The following ENTPD1 variants were observed in gnomAD, a reference collection of about 807,000 sequenced individuals.
ENTPD1 encodes the protein ectonucleoside triphosphate diphosphohydrolase 1.
ENTPD1 carries 33 observed loss-of-function variants against 57.0 expected under a neutral mutation model. The observed-to-expected ratio is 0.58, with a 90% CI of 0.44 to 0.77. The LOEUF is 0.77. ENTPD1 is among the 30% of genes least tolerant of loss of function. The pLI is 0.00. For synonymous variants in ENTPD1, 202 were observed against 218.8 expected (o/e 0.92, Z 0.68); for missense variants, 501 against 603.4 (o/e 0.83, Z 1.78).
chr10:95,825,747 T>G (rs1371291111), intron 2 of ENTPD1, among the ~76,000 whole-genome samples: 3 of 151,896 alleles, frequency 2.0e-5, no homozygotes, highest in Non-Finnish European at 4.4e-5. Context: ...CCGGCTAATT[T>G]TTTTGTATTT....
chr10:95,783,830 C>T (rs535745915), intron 1 of ENTPD1, among the ~76,000 whole-genome samples: 2 of 151,884 alleles, frequency 1.3e-5, no homozygotes, highest in African/African-American at 2.4e-5. Flanking sequence ...AAAAGAATAA[C>T]AAGTATTTAT....
rs3181122 is a variant in ENTPD1, at chr10:95,847,408, G to A, written c.814-38G>A. The A allele has an allele frequency of 0.31, 503,083 of 1,610,308 alleles. 85,316 individuals carry two copies. Among genetic ancestry groups the A allele is most frequent in the Admixed American group, 0.42 (25,159 of 59,998 alleles). On this transcript the variant is annotated intron_variant, in intron 6 of 9. Transcript: ENST00000371205. ...AGACTGTACCTTTTGTATCCAAAGC[G>A]TTCACACATGATGCTTTCAAGTGAT...
chr10:95,814,895 A>T, intron 1 of ENTPD1, among the ~76,000 whole-genome samples: 1 of 150,690 alleles, frequency 6.6e-6, no homozygotes. Context: ...TCCTGGCTCT[A>T]TTTTCTTACC....
chr10:95,761,072 C>T (rs980063865), intron 1 of ENTPD1, among the ~76,000 whole-genome samples: 14 of 152,064 alleles, frequency 9.2e-5, no homozygotes, highest in Middle Eastern at 3.4e-3. Flanking sequence ...CCTCATGATC[C>T]GCCCGTCTCG....
chr10:95,819,523 G>A (rs1045712571), intron 1 of ENTPD1, among the ~76,000 whole-genome samples: 5 of 152,208 alleles, frequency 3.3e-5, no homozygotes, highest in Non-Finnish European at 7.4e-5. Context: ...CATGATGGCT[G>A]TTTCTATAAG....
At chr10:95,734,328 A>G (rs1280339397) in intron 1 of ENTPD1, among the ~76,000 whole-genome samples, 1 of 152,212 alleles carries the variant, frequency 6.6e-6, no homozygotes, top group Admixed American at 6.5e-5. Context: ...TTAAGTTGAT[A>G]TAAAGAAAAT....
chr10:95,811,812 A>C (rs2098309428), intron 1 of ENTPD1, among the ~76,000 whole-genome samples: 1 of 152,250 alleles, frequency 6.6e-6, no homozygotes, highest in Non-Finnish European at 1.5e-5. Context: ...TTATATATCC[A>C]GACATCAGTT....
rs1161116933 is a variant in ENTPD1 at position 95,874,327 on chromosome 10, G to C, written c.*7944G>C. On this transcript the variant is annotated 3_prime_UTR_variant, in exon 10 of 10. Transcript: ENST00000371205. Reference sequence around the variant, plus strand: ...CAAAGGGGTTACAGGGTCCATGCAAGTCTGAAATCCAGTGGGGCAGTCAAA... The same window carrying C: ...CAAAGGGGTTACAGGGTCCATGCAACTCTGAAATCCAGTGGGGCAGTCAAA... Among the ~76,000 whole-genome samples the C allele has an allele frequency of 6.6e-6, 1 of 152,188 alleles. No individual in the cohort carries two copies. Among genetic ancestry groups the C allele is most frequent in the Non-Finnish European group, 1.5e-5 (1 of 68,038 alleles).
At chr10:95,846,613 A>T (rs903732530) in intron 6 of ENTPD1, among the ~76,000 whole-genome samples, 10 of 152,188 alleles carry the variant, frequency 6.6e-5, no homozygotes, top group Admixed American at 1.3e-4. Flanking sequence ...GCTGAGAGAC[A>T]TCCACTGAGC....
In ENTPD1 at chr10:95,875,195, T is replaced by C. The variant is rs543288442; in HGVS notation, c.*8812T>C. 5.9e-5 allele frequency: 9 copies of C among 152,238 alleles called. No homozygotes were observed. Among genetic ancestry groups the C allele is most frequent in the Non-Finnish European group, 1.0e-4 (7 of 68,046 alleles). 9.4% of individuals were successfully genotyped at this position (152,238 alleles called of 1,614,324 possible). On this transcript the variant is annotated 3_prime_UTR_variant, in exon 10 of 10. Transcript: ENST00000371205. The stretch of plus-strand genomic sequence containing the variant: ...ATCATCAGGCTGCAGATTTTCCACA[T>C]TTATGCTCTTGTTTCCCTTTTAAAA...
chr10:95,777,907 C>G (rs1320539912), intron 1 of ENTPD1, among the ~76,000 whole-genome samples: 5 of 152,202 alleles, frequency 3.3e-5, no homozygotes, highest in African/African-American at 1.2e-4. Flanking sequence ...CAGACTGCTG[C>G]ACTAGAAGTG....
At chr10:95,750,893 C>T (rs897095376), upstream of ENTPD1, among the ~76,000 whole-genome samples, 18 of 152,246 alleles carry the variant, frequency 1.2e-4, no homozygotes, top group African/African-American at 3.1e-4. Context: ...CATGGTGGCA[C>T]GCACCTCTAG....
intron 1 of ENTPD1, among the ~76,000 whole-genome samples, chr10:95,764,086 A>C (rs1389352012): frequency 1.3e-5 from 2 of 152,164 alleles, no homozygotes; most frequent in Non-Finnish European, 2.9e-5. Context: ...CCACCACCAC[A>C]ATCAATTTTG....
At position 95,852,717 on chromosome 10, in the gene ENTPD1, G is replaced by T. The variant is rs1161279637; in HGVS notation, c.1074+5011G>T. Among the ~76,000 whole-genome samples, 6 of 152,230 alleles carry T rather than the reference G, an allele frequency of 3.9e-5. No homozygotes were observed. The East Asian group carries it at 9.6e-4, about 24-fold the overall frequency. On this transcript the variant is annotated intron_variant, in intron 7 of 9. Transcript: ENST00000371205. ...TTTCCCCATTGTTTGTTTTTGTCAGGTTTGTCAAAGATCGGATAGTTGTAG... is the reference window on the plus strand; with the variant it reads ...TTTCCCCATTGTTTGTTTTTGTCAGTTTTGTCAAAGATCGGATAGTTGTAG...
intron 1 of ENTPD1, among the ~76,000 whole-genome samples, chr10:95,808,627 A>T (rs926259929): frequency 1.3e-5 from 2 of 151,848 alleles, no homozygotes; most frequent in Non-Finnish European, 2.9e-5. Flanking sequence ...AGGGGAAAAA[A>T]CTTTCAAGGA....
At chr10:95,717,651 A>T (rs2139818955) in intron 1 of ENTPD1, among the ~76,000 whole-genome samples, 1 of 152,280 alleles carries the variant, frequency 6.6e-6, no homozygotes, top group African/African-American at 2.4e-5. Context: ...AGGAATTCTT[A>T]GTCGGCCTAG....
chr10:95,805,011 G>C (rs2098266157), intron 1 of ENTPD1, among the ~76,000 whole-genome samples: 2 of 152,116 alleles, frequency 1.3e-5, no homozygotes, highest in African/African-American at 4.8e-5. Flanking sequence ...AGGTCTGCTT[G>C]GTGCAGAGCT....
intron 1 of ENTPD1, among the ~76,000 whole-genome samples, chr10:95,770,614 T>G (rs1484359051): frequency 2.0e-5 from 3 of 152,168 alleles, no homozygotes; most frequent in Admixed American, 2.0e-4. Context: ...TTTTCAATTG[T>G]GTTTTTCTCA....
At chr10:95,844,698 G>A in intron 5 of ENTPD1, 63 bp downstream of exon 5, 2 of 1,598,798 alleles carry the variant, frequency 1.3e-6, no homozygotes, top group Non-Finnish European at 1.7e-6. Flanking sequence ...GCTATCTCAG[G>A]CAGTACTTGG....
Sources: allele counts gnomAD v4.1 joint callset (sites outside exome capture counted in the v4.1 genomes callset), GRCh38; gene constraint gnomAD v4.1.1; transcripts MANE v1.5; gene names NCBI Gene and HGNC (gene_info 2026-07-23, HGNC 2026-07-21).